Variants in ANK2 observed in about 807,000 individuals in gnomAD.
The protein encoded by ANK2 is ankyrin 2.
A neutral mutation model predicts 360.5 loss-of-function variants in ANK2; 83 were observed. That is an observed-to-expected ratio of 0.23 (90% confidence interval 0.19 to 0.28). The LOEUF is 0.28. Among genes scored for constraint, ANK2 ranks in the 10% least tolerant of loss-of-function variants. The pLI is 1.00. For missense variants in ANK2, 4,201 were observed against 4,795.7 expected (o/e 0.88, Z 3.66); for synonymous variants, 1,740 against 1,759.5 (o/e 0.99, Z 0.28).
At chr4:112,778,000 G>A in the ANK2 span, among the ~76,000 whole-genome samples, 1 of 146,508 alleles carries the variant, frequency 6.8e-6, no homozygotes, top group African/African-American at 2.5e-5. Context: ...ACGGAGTTTT[G>A]CTCTTGTCAT....
chr4:112,797,685 G>T, the ANK2 span: 1 of 174,316 alleles, frequency 5.7e-6, no homozygotes. Context: ...ATAACAATAA[G>T]TTGGGGTTCT....
intron 17 of ANK2, among the ~76,000 whole-genome samples, chr4:113,280,187 T>C (rs919901669): frequency 6.6e-6 from 1 of 152,178 alleles, no homozygotes; most frequent in African/African-American, 2.4e-5. Flanking sequence ...GAAAGGATTA[T>C]AGGTACTCAA....
At chr4:113,288,055 T>C (rs929830028) in intron 19 of ANK2, among the ~76,000 whole-genome samples, 1 of 152,196 alleles carries the variant, frequency 6.6e-6, no homozygotes, top group Non-Finnish European at 1.5e-5. Context: ...TCCCTCTCTA[T>C]GCCATAAAAT....
chr4:112,843,009 C>T (rs1368078614), intron 1 of ANK2, among the ~76,000 whole-genome samples: 1 of 152,184 alleles, frequency 6.6e-6, no homozygotes, highest in African/African-American at 2.4e-5. Flanking sequence ...CCACTCCAAC[C>T]TCTGGTTCTG....
intron 2 of ANK2, among the ~76,000 whole-genome samples, chr4:112,942,223 C>G (rs2094279836): frequency 2.6e-5 from 4 of 151,976 alleles, no homozygotes; most frequent in Admixed American, 2.6e-4. Context: ...ACTGATACTG[C>G]AATTAATTAA....
chr4:113,261,217 G>A (rs2052723160), intron 13 of ANK2, among the ~76,000 whole-genome samples: 1 of 151,996 alleles, frequency 6.6e-6, no homozygotes, highest in Non-Finnish European at 1.5e-5. Flanking sequence ...TCCTTTTCCA[G>A]AAGGTTTATT....
At chr4:113,339,032 A>C (rs2093941467) in intron 31 of ANK2, among the ~76,000 whole-genome samples, 194 bp from the exon 32 acceptor site, 2 of 152,060 alleles carry the variant, frequency 1.3e-5, no homozygotes, top group South Asian at 4.1e-4. Context: ...CCTAAAACTT[A>C]GTTTCTTGAG....
In ANK2 at chr4:113,213,960, T is replaced by TA. The variant is rs200627597; in HGVS notation, c.384+14851_384+14852insA. ...GACAAAATGCTGTTTTATTTATTTTTTTTTTTTATTTTTTTTTTAAGTACA... is the reference window on the plus strand; with the variant it reads ...GACAAAATGCTGTTTTATTTATTTTTATTTTTTTATTTTTTTTTTAAGTACA... On this transcript the variant is annotated intron_variant, in intron 4 of 45. Coordinates refer to ENST00000357077, the MANE Select transcript of ANK2 (RefSeq NM_001148.6). 11,876 of 501,540 alleles carry TA rather than the reference T, an allele frequency of 0.024. 1,796 individuals are homozygous for TA. In the African/African-American group the frequency reaches 0.38, roughly 16 times the overall value. 31.1% of individuals were successfully genotyped at this position (501,540 alleles called of 1,614,324 possible). A position where few individuals can be genotyped will look rare whatever the true frequency, so the allele number is the denominator to read the frequency against.
At chr4:112,971,728 G>C (rs1286341882) in intron 2 of ANK2, among the ~76,000 whole-genome samples, 3 of 152,078 alleles carry the variant, frequency 2.0e-5, no homozygotes, top group Non-Finnish European at 2.9e-5. Flanking sequence ...CTTCATATTG[G>C]GGGTGGAGGG....
chr4:113,358,407 G>A lies in ANK2; in HGVS notation c.9789G>A (p.Arg3263=), dbSNP rs765175059. 2 of 1,613,908 alleles carry A rather than the reference G, an allele frequency of 1.2e-6. No individual in the cohort carries two copies. Among genetic ancestry groups the A allele is most frequent in the South Asian group, 1.1e-5 (1 of 91,080 alleles). Residue 3263 remains arginine (R), a synonymous_variant, in exon 38 of 46, where the codon AGG becomes AGA. Coordinates refer to ENST00000357077, the MANE Select transcript of ANK2 (RefSeq NM_001148.6). ...QVQLDFSTLT[R]SVYSDRGDDS... is the part of the protein sequence containing the mutation. ...AGTTAGATTTTTCCACACTCACCAG[G>A]TCTGTTTATTCAGATAGGGGTGATG...
intron 22 of ANK2, among the ~76,000 whole-genome samples, chr4:113,301,781 T>C (rs2075152850): frequency 2.0e-5 from 3 of 152,216 alleles, no homozygotes; most frequent in Admixed American, 2.0e-4. Flanking sequence ...ATCACTGGTA[T>C]GTCTTGTGTC....
chr4:112,933,123 T>C (rs1361128254), intron 2 of ANK2, among the ~76,000 whole-genome samples: 4 of 152,224 alleles, frequency 2.6e-5, no homozygotes, highest in African/African-American at 9.6e-5. Flanking sequence ...TTCATGGTTA[T>C]ATAAACAAAT....
intron 2 of ANK2, among the ~76,000 whole-genome samples, chr4:112,997,737 G>GTA (rs2049084838): frequency 6.6e-6 from 1 of 151,148 alleles, no homozygotes; most frequent in Non-Finnish European, 1.5e-5. Flanking sequence ...AACATGGTAT[G>GTA]TATATATATG....
intron 4 of ANK2, among the ~76,000 whole-genome samples, chr4:113,225,340 T>C (rs1003129301): frequency 6.6e-6 from 1 of 152,168 alleles, no homozygotes; most frequent in African/African-American, 2.4e-5. Context: ...AATTGTCATT[T>C]TTTTTACTCT....
chr4:113,187,842 C>A (rs2098557587), intron 2 of ANK2, among the ~76,000 whole-genome samples: 1 of 152,070 alleles, frequency 6.6e-6, no homozygotes, highest in South Asian at 2.1e-4. Flanking sequence ...GGATATTGGG[C>A]CAGCCACTTA....
At chr4:113,123,842 C>T (rs914446477) in intron 1 of ANK2, among the ~76,000 whole-genome samples, 1 of 152,102 alleles carries the variant, frequency 6.6e-6, no homozygotes, top group Non-Finnish European at 1.5e-5. Context: ...TTCAAGCGAT[C>T]GTAGATTTAC....
the ANK2 span, among the ~76,000 whole-genome samples, chr4:112,776,887 G>A: frequency 6.6e-5 from 10 of 152,212 alleles, no homozygotes; most frequent in South Asian, 4.2e-4. Flanking sequence ...AATGGCTTTC[G>A]GTTGAGAGTC....
intron 22 of ANK2, among the ~76,000 whole-genome samples, chr4:113,297,020 T>C (rs1468046442): frequency 6.6e-6 from 1 of 152,056 alleles, no homozygotes; most frequent in Non-Finnish European, 1.5e-5. Flanking sequence ...ACTCAGAAAA[T>C]GTGAATATTC....
chr4:113,200,053 G>T (rs1170667449), intron 4 of ANK2, among the ~76,000 whole-genome samples: 1 of 151,920 alleles, frequency 6.6e-6, no homozygotes, highest in Non-Finnish European at 1.5e-5. Flanking sequence ...TTTAATTTTG[G>T]GAAAAATCTG....
Sources: allele counts gnomAD v4.1 joint callset (sites outside exome capture counted in the v4.1 genomes callset), GRCh38; gene constraint gnomAD v4.1.1; transcripts MANE v1.5; gene names NCBI Gene and HGNC (gene_info 2026-07-23, HGNC 2026-07-21).